ADAM23: variants seen among roughly 807,000 people sequenced by gnomAD.
The protein encoded by ADAM23 is disintegrin and metalloproteinase domain-containing protein 23.
ADAM23 carries 33 observed loss-of-function variants against 120.1 expected under a neutral mutation model. That is an observed-to-expected ratio of 0.27 (90% CI 0.21 to 0.37). ADAM23 has a LOEUF of 0.37. Ranked by LOEUF, ADAM23 falls within the 10% of genes least tolerant of loss-of-function variation. The pLI, the probability that ADAM23 is intolerant of heterozygous loss-of-function variation, is 1.00. For synonymous variants in ADAM23, 367 were observed against 375.2 expected (o/e 0.98, Z 0.25); for missense variants, 862 against 1,058.2 (o/e 0.81, Z 2.57).
chr2:206,605,573 G>A (rs951592871), intron 24 of ADAM23, among the ~76,000 whole-genome samples: 1 of 152,200 alleles, frequency 6.6e-6, no homozygotes, highest in Non-Finnish European at 1.5e-5. Context: ...AGATAATTAT[G>A]TTTTTTAAAA....
At chr2:206,487,199 A>C (rs1476510412) in intron 3 of ADAM23, among the ~76,000 whole-genome samples, 1 of 152,128 alleles carries the variant, frequency 6.6e-6, no homozygotes, top group Non-Finnish European at 1.5e-5. Context: ...CTGCGCTGAG[A>C]TGTTGGGGGA....
intron 2 of ADAM23, among the ~76,000 whole-genome samples, chr2:206,461,836 G>A (rs1179554919): frequency 6.6e-6 from 1 of 152,200 alleles, no homozygotes; most frequent in Non-Finnish European, 1.5e-5. Context: ...GCTGCCTCCT[G>A]AGATTTGGGC....
intron 18 of ADAM23, among the ~76,000 whole-genome samples, chr2:206,580,075 A>G (rs1200039121): frequency 6.6e-6 from 1 of 152,124 alleles, no homozygotes; most frequent in African/African-American, 2.4e-5. Context: ...TTGTATCTGG[A>G]AACTTTGCTG....
chr2:206,539,247 A>G (rs1472832093), intron 4 of ADAM23, among the ~76,000 whole-genome samples: 1 of 152,180 alleles, frequency 6.6e-6, no homozygotes, highest in Non-Finnish European at 1.5e-5. Context: ...TCCACTTATC[A>G]GATGCTCCAT....
At chr2:206,596,798 T>TA (rs1477821725) in intron 24 of ADAM23, among the ~76,000 whole-genome samples, 4 of 152,036 alleles carry the variant, frequency 2.6e-5, no homozygotes. Flanking sequence ...TCAGGTCACT[T>TA]ACTATAGTCA....
intron 13 of ADAM23, among the ~76,000 whole-genome samples, chr2:206,563,144 G>A (rs1044929023): frequency 2.6e-5 from 4 of 151,738 alleles, no homozygotes; most frequent in African/African-American, 4.8e-5. Flanking sequence ...AATGCAATCC[G>A]GTGGAAAGAG....
chr2:206,447,872 G>A (rs1363483291), intron 2 of ADAM23, among the ~76,000 whole-genome samples: 1 of 152,132 alleles, frequency 6.6e-6, no homozygotes, highest in Admixed American at 6.6e-5. Context: ...GGTGGAAATG[G>A]AAATTCCCAA....
intron 3 of ADAM23, 119 bp from the exon 4 acceptor site, chr2:206,530,766 A>G (rs1415776536): frequency 1.4e-6 from 1 of 703,082 alleles, no homozygotes. Context: ...TTCTGTACTA[A>G]CCATGGACTG....
chr2:206,566,534 T>C (rs1697886466), intron 14 of ADAM23, among the ~76,000 whole-genome samples: 1 of 152,228 alleles, frequency 6.6e-6, no homozygotes, highest in Non-Finnish European at 1.5e-5. Flanking sequence ...ATATTATATT[T>C]GATTAAGTAA....
intron 2 of ADAM23, among the ~76,000 whole-genome samples, chr2:206,458,180 A>G (rs1004424475): frequency 4.0e-5 from 3 of 74,520 alleles, no homozygotes; most frequent in African/African-American, 1.6e-4. Flanking sequence ...ACTATCTGGA[A>G]CTGGACAAGT....
At chr2:206,590,502 A>G (rs1698406426) in intron 21 of ADAM23, among the ~76,000 whole-genome samples, 1 of 152,204 alleles carries the variant, frequency 6.6e-6, no homozygotes, top group African/African-American at 2.4e-5. Context: ...GAATAGCCCA[A>G]ACCTCTTTCC....
chr2:206,488,549 C>T (rs1696063056), intron 3 of ADAM23, among the ~76,000 whole-genome samples: 1 of 152,168 alleles, frequency 6.6e-6, no homozygotes. Flanking sequence ...CTCTGGGAGT[C>T]TGTGGACTCA....
intron 16 of ADAM23, among the ~76,000 whole-genome samples, chr2:206,571,378 G>A (rs1467841849): frequency 6.6e-6 from 1 of 152,172 alleles, no homozygotes; most frequent in Non-Finnish European, 1.5e-5. Flanking sequence ...GGGAGGCTGA[G>A]GCAGGAGAAT....
rs1205467590 is a variant in ADAM23, at chr2:206,567,333, TAGAA to T, written c.1494+14_1494+17del. On this transcript the variant is annotated intron_variant, in intron 15 of 25. Coordinates refer to ENST00000264377, the MANE Select transcript of ADAM23 (RefSeq NM_003812.4). The stretch of plus-strand genomic sequence containing the variant: ...AACAGGCCAACAAAGGTTAGTAACT[TAGAA>T]AGCATACTAAGAAAGTATATTATTT... 6.3e-7 allele frequency: 1 copy of T among 1,593,388 alleles called. No individual in the cohort carries two copies. Among genetic ancestry groups the T allele is most frequent in the East Asian group, 2.2e-5 (1 of 44,768 alleles).
At chr2:206,485,520 C>T (rs1255623294) in intron 3 of ADAM23, among the ~76,000 whole-genome samples, 2 of 152,170 alleles carry the variant, frequency 1.3e-5, no homozygotes, top group Non-Finnish European at 2.9e-5. Context: ...AGTTGGTGAC[C>T]TCACCAGGCC....
intron 2 of ADAM23, among the ~76,000 whole-genome samples, chr2:206,469,650 A>G (rs551202607): frequency 1.9e-4 from 29 of 152,342 alleles, no homozygotes; most frequent in African/African-American, 6.7e-4. Flanking sequence ...TATTTCATTC[A>G]GAATAAAAGG....
chr2:206,564,737 A>G (rs1697843787), intron 13 of ADAM23, among the ~76,000 whole-genome samples: 1 of 152,236 alleles, frequency 6.6e-6, no homozygotes, highest in African/African-American at 2.4e-5. Context: ...AAACATTAGA[A>G]CTAGGAACCA....
chr2:206,458,783 C>T (rs552309299), intron 2 of ADAM23, among the ~76,000 whole-genome samples: 125 of 152,292 alleles, frequency 8.2e-4, no homozygotes, highest in African/African-American at 2.9e-3. Context: ...CCTCTCTTTT[C>T]CCCAACTCAC....
chr2:206,562,385 C>T, intron 13 of ADAM23, 92 bp downstream of exon 13: 2 of 931,132 alleles, frequency 2.1e-6, no homozygotes, highest in South Asian at 3.7e-5. Context: ...TCATTCCAGT[C>T]ATTATAGTTT....
Sources: allele counts gnomAD v4.1 joint callset (sites outside exome capture counted in the v4.1 genomes callset), GRCh38; gene constraint gnomAD v4.1.1; transcripts MANE v1.5; gene names NCBI Gene and HGNC (gene_info 2026-07-23, HGNC 2026-07-21).